The following TNIK variants were observed in gnomAD, a reference collection of about 807,000 sequenced individuals.
The protein encoded by TNIK is TRAF2 and NCK interacting kinase.
In TNIK, 49 loss-of-function variants were observed where a neutral mutation model predicts 191.3. The observed-to-expected ratio is 0.26, with a 90% CI of 0.20 to 0.32. The LOEUF is 0.32. Among genes scored for constraint, TNIK ranks in the 10% least tolerant of loss-of-function variants. The pLI, the probability that TNIK is intolerant of heterozygous loss-of-function variation, is 1.00. For missense variants in TNIK, 1,155 were observed against 1,702.3 expected (o/e 0.68, Z 5.66); for synonymous variants, 594 against 600.9 (o/e 0.99, Z 0.17).
rs1712333990 is a variant in TNIK, at chr3:171,347,125, G to A, written c.123+22495C>T. The stretch of plus-strand genomic sequence containing the variant: ...AACCATTTAGGAAATAGGATCAGCT[G>A]GGCTTGGTGATGAAATTCAGGAGAT... On this transcript the variant is annotated intron_variant, in intron 2 of 32. Coordinates refer to ENST00000436636, the MANE Select transcript of TNIK (RefSeq NM_015028.4). 2.6e-6 allele frequency: 4 copies of A among 1,512,448 alleles called. No individual in the cohort carries two copies. The Admixed American group carries it at 8.9e-5, about 34-fold the overall frequency. 93.7% of individuals were successfully genotyped at this position (1,512,448 alleles called of 1,614,324 possible).
intron 12 of TNIK, among the ~76,000 whole-genome samples, chr3:171,147,632 A>G (rs867719213): frequency 6.6e-6 from 1 of 152,162 alleles, no homozygotes; most frequent in Non-Finnish European, 1.5e-5. Flanking sequence ...AATAATAACT[A>G]TATGCATAAT....
intron 1 of TNIK, among the ~76,000 whole-genome samples, chr3:171,459,371 G>C (rs1160550544): frequency 1.3e-5 from 2 of 152,204 alleles, no homozygotes; most frequent in Non-Finnish European, 2.9e-5. Flanking sequence ...AGGCAGGGCT[G>C]AGTTAAAGCC....
chr3:171,064,904 C>T (rs949932118), intron 32 of TNIK, among the ~76,000 whole-genome samples: 1 of 152,216 alleles, frequency 6.6e-6, no homozygotes, highest in African/African-American at 2.4e-5. Context: ...AAATGCTTGA[C>T]ATTCACCTAA....
chr3:171,188,915 G>A, intron 6 of TNIK, 83 bp from the exon 7 acceptor site: 1 of 1,503,660 alleles, frequency 6.7e-7, no homozygotes, highest in Non-Finnish European at 9.1e-7. Context: ...ATTTTATTGT[G>A]GTAAAACATA....
chr3:171,244,792 T>C (rs1222963744), intron 2 of TNIK, among the ~76,000 whole-genome samples: 1 of 151,200 alleles, frequency 6.6e-6, no homozygotes, highest in Non-Finnish European at 1.5e-5. Context: ...AGTGATAGGA[T>C]GACAACTTAC....
chr3:171,094,358 G>A (rs766325522), intron 22 of TNIK, among the ~76,000 whole-genome samples: 3 of 151,964 alleles, frequency 2.0e-5, no homozygotes, highest in Non-Finnish European at 4.4e-5. Flanking sequence ...GGATGGTCTC[G>A]ATCTCCTGAC....
chr3:171,383,266 C>G (rs921168659), intron 1 of TNIK, among the ~76,000 whole-genome samples: 5 of 152,214 alleles, frequency 3.3e-5, no homozygotes, highest in Non-Finnish European at 5.9e-5. Flanking sequence ...TGGCCTAAAC[C>G]AGAGCATGCT....
At chr3:171,210,220 A>T (rs1381809465) in intron 4 of TNIK, among the ~76,000 whole-genome samples, 1 of 152,228 alleles carries the variant, frequency 6.6e-6, no homozygotes, top group Non-Finnish European at 1.5e-5. Context: ...GTGAAAGAAA[A>T]GTAGATCAAC....
At chr3:171,418,613 G>A (rs1294987298) in intron 1 of TNIK, among the ~76,000 whole-genome samples, 1 of 152,172 alleles carries the variant, frequency 6.6e-6, no homozygotes, top group Non-Finnish European at 1.5e-5. Context: ...TCACTTGTAT[G>A]AAATTTCCAG....
chr3:171,127,413 C>T (rs1046934146), intron 16 of TNIK, among the ~76,000 whole-genome samples: 17 of 151,668 alleles, frequency 1.1e-4, no homozygotes, highest in Non-Finnish European at 2.1e-4. Context: ...CACAAACCCA[C>T]TTTAAAAGAG....
At chr3:171,092,793 T>C (rs1390672374) in intron 23 of TNIK, among the ~76,000 whole-genome samples, 1 of 152,234 alleles carries the variant, frequency 6.6e-6, no homozygotes, top group Non-Finnish European at 1.5e-5. Context: ...GAAAGTGAGA[T>C]GCCCTTTGCC....
intron 11 of TNIK, among the ~76,000 whole-genome samples, chr3:171,158,346 AAC>A (rs1449044198): frequency 6.6e-6 from 1 of 152,234 alleles, no homozygotes; most frequent in Non-Finnish European, 1.5e-5. Flanking sequence ...CTGTTTAGGT[AAC>A]AGTTTTGTCT....
intron 2 of TNIK, among the ~76,000 whole-genome samples, chr3:171,259,255 T>C (rs1157573738): frequency 6.6e-6 from 1 of 152,186 alleles, no homozygotes; most frequent in Non-Finnish European, 1.5e-5. Flanking sequence ...ACAGACCTAA[T>C]ATTTAAACAT....
intron 2 of TNIK, among the ~76,000 whole-genome samples, chr3:171,349,555 T>C (rs1218136194): frequency 6.6e-6 from 1 of 152,164 alleles, no homozygotes; most frequent in African/African-American, 2.4e-5. Flanking sequence ...GACTCCTGAT[T>C]CCCAAGAGGC....
chr3:171,227,595 G>A (rs755953359), intron 3 of TNIK, among the ~76,000 whole-genome samples: 3 of 152,200 alleles, frequency 2.0e-5, no homozygotes, highest in Non-Finnish European at 4.4e-5. Flanking sequence ...AAGGCAGTGT[G>A]TAGGTATCAA....
chr3:171,214,276 A>G (rs1741200917), intron 3 of TNIK, among the ~76,000 whole-genome samples: 1 of 151,952 alleles, frequency 6.6e-6, no homozygotes, highest in Admixed American at 6.6e-5. Flanking sequence ...GCCTCTCACA[A>G]TATGGCCCAT....
intron 1 of TNIK, among the ~76,000 whole-genome samples, chr3:171,404,575 C>A (rs1160871091): frequency 6.6e-6 from 1 of 151,904 alleles, no homozygotes; most frequent in East Asian, 1.9e-4. Flanking sequence ...ATCTAGAATC[C>A]CTGCCAGCCT....
intron 2 of TNIK, among the ~76,000 whole-genome samples, chr3:171,357,145 G>C (rs1366821187): frequency 7.2e-5 from 11 of 152,098 alleles, no homozygotes; most frequent in African/African-American, 2.2e-4. Flanking sequence ...GGCGGACACT[G>C]TTTTTACTTA....
chr3:171,375,452 C>T (rs573100783), intron 1 of TNIK, among the ~76,000 whole-genome samples: 1 of 152,278 alleles, frequency 6.6e-6, no homozygotes, highest in African/African-American at 2.4e-5. Context: ...ATGTATGTCT[C>T]TTTAAAAATT....
Sources: allele counts gnomAD v4.1 joint callset (sites outside exome capture counted in the v4.1 genomes callset), GRCh38; gene constraint gnomAD v4.1.1; transcripts MANE v1.5; gene names NCBI Gene and HGNC (gene_info 2026-07-23, HGNC 2026-07-21).